ASIP: variants seen among roughly 807,000 people sequenced by gnomAD.
ASIP encodes agouti signaling protein.
ASIP carries 11 observed loss-of-function variants against 10.3 expected under a neutral mutation model. The ratio of observed to expected loss-of-function variants is 1.07; its 90% CI spans 0.68 to 1.78. The LOEUF (loss-of-function observed/expected upper bound fraction) is 1.78. Among genes scored for constraint, ASIP ranks in the 40% most tolerant of loss-of-function variants. The pLI is 0.00. For synonymous variants in ASIP, 70 were observed against 70.8 expected, an observed-to-expected ratio of 0.99 and a Z score of 0.06; for missense variants, 180 against 169.2, an observed-to-expected ratio of 1.06 and a Z score of -0.35.
intron 1 of ASIP, among the ~76,000 whole-genome samples, chr20:34,202,532 A>T (rs1174385345): frequency 6.6e-6 from 1 of 152,134 alleles, no homozygotes; most frequent in Non-Finnish European, 1.5e-5. Flanking sequence ...TGTGAGGTCA[A>T]GTTTCCCTTT....
intron 1 of ASIP, among the ~76,000 whole-genome samples, chr20:34,224,569 A>G (rs2035079834): frequency 1.3e-5 from 2 of 152,324 alleles, no homozygotes; most frequent in South Asian, 4.1e-4. Context: ...CCCTGTGGGG[A>G]TGAGTTAAAA....
At position 34,269,250 on chromosome 20, in the gene ASIP, T is replaced by C; in HGVS notation, c.*83T>C. 1.4e-6 allele frequency: 2 copies of C among 1,410,842 alleles called. No homozygotes were observed. Among genetic ancestry groups the C allele is most frequent in the South Asian group, 3.0e-5 (2 of 65,948 alleles). The allele number at this position is 1,410,842 out of a possible 1,614,324, so 87.4% of individuals were successfully genotyped here. The stretch of plus-strand genomic sequence containing the variant: ...GGCGGGTGATCCCTAACAGGGCGGC[T>C]TCCCAGGGCTGCAGGCGGGCGGAGG... On this transcript the variant is annotated 3_prime_UTR_variant, in exon 4 of 4. Coordinates refer to ENST00000374954, the MANE Select transcript of ASIP (RefSeq NM_001672.3).
chr20:34,192,350 C>T (rs1003229798), upstream of ASIP, among the ~76,000 whole-genome samples: 2 of 152,094 alleles, frequency 1.3e-5, no homozygotes, highest in Admixed American at 6.6e-5. Context: ...TTTGAAACAG[C>T]GTCTCGCTCT....
At position 34,204,620 on chromosome 20, in the gene ASIP, TAGAA is replaced by T. The variant is rs1357473692; in HGVS notation, c.-11+9867_-11+9870del. 3.3e-5 allele frequency among the ~76,000 whole-genome samples: 5 copies of T among 152,224 alleles called. No individual in the cohort carries two copies. In the East Asian group the frequency reaches 9.6e-4, roughly 29 times the overall value. On this transcript the variant is annotated intron_variant, in intron 1 of 3. Coordinates refer to the ASIP transcript ENST00000568305. ...GCAGGCATCCTTATCTTAGTTCTGA[TAGAA>T]AGAAAGCACTCAATAATTTCAGTTA...
chr20:34,258,887 TTA>T (rs1208850131), intron 1 of ASIP, among the ~76,000 whole-genome samples: 1 of 130,604 alleles, frequency 7.7e-6, no homozygotes, highest in Admixed American at 9.3e-5. Flanking sequence ...ATATATAGTA[TTA>T]TATATATAGT....
intron 1 of ASIP, among the ~76,000 whole-genome samples, chr20:34,226,658 T>C (rs1214936166): frequency 6.6e-6 from 1 of 152,100 alleles, no homozygotes; most frequent in Non-Finnish European, 1.5e-5. Context: ...TCAGCCTGAT[T>C]TTTTAAAAAG....
At chr20:34,224,560 C>A (rs190357667) in intron 1 of ASIP, among the ~76,000 whole-genome samples, 1 of 152,124 alleles carries the variant, frequency 6.6e-6, no homozygotes, top group Admixed American at 6.5e-5. Context: ...CTTAAATGAC[C>A]CTGTGGGGAT....
intron 1 of ASIP, among the ~76,000 whole-genome samples, chr20:34,245,261 G>A (rs1387312079): frequency 6.7e-6 from 1 of 149,546 alleles, no homozygotes; most frequent in Non-Finnish European, 1.5e-5. Context: ...TTGAACCTGG[G>A]AGGCGGAGGT....
At chr20:34,191,493 C>T (rs1193422827), upstream of ASIP, among the ~76,000 whole-genome samples, 2 of 152,104 alleles carry the variant, frequency 1.3e-5, no homozygotes, top group Non-Finnish European at 2.9e-5. Flanking sequence ...CAGGACCTGG[C>T]CACAAAAGGA....
At chr20:34,214,813 T>A in intron 1 of ASIP, 1 of 1,572,848 alleles carries the variant, frequency 6.4e-7, no homozygotes, top group Non-Finnish European at 8.8e-7. Flanking sequence ...AAGATAATCA[T>A]AACAAAATCC....
At chr20:34,226,270 A>G (rs901743998) in intron 1 of ASIP, among the ~76,000 whole-genome samples, 1 of 152,240 alleles carries the variant, frequency 6.6e-6, no homozygotes, top group African/African-American at 2.4e-5. Flanking sequence ...TGCCATTTTA[A>G]CAGACTAAAA....
At chr20:34,202,539 C>CT (rs1294198258) in intron 1 of ASIP, among the ~76,000 whole-genome samples, 1 of 151,870 alleles carries the variant, frequency 6.6e-6, no homozygotes, top group African/African-American at 2.4e-5. Flanking sequence ...TCAAGTTTCC[C>CT]TTTTTTTTCT....
intron 1 of ASIP, among the ~76,000 whole-genome samples, chr20:34,206,921 G>A (rs889615128): frequency 1.3e-5 from 2 of 152,190 alleles, no homozygotes; most frequent in Non-Finnish European, 2.9e-5. Flanking sequence ...CAGTTAGGTT[G>A]ATTTCATATC....
chr20:34,206,403 C>T (rs755223046), intron 1 of ASIP, among the ~76,000 whole-genome samples: 4 of 152,278 alleles, frequency 2.6e-5, no homozygotes, highest in East Asian at 1.9e-4. Flanking sequence ...TTTCTGATAT[C>T]GATTTTTTTA....
At chr20:34,257,070 C>CTTTTTTTTTTTTTTT (rs56227909) in intron 1 of ASIP, among the ~76,000 whole-genome samples, 234 of 139,022 alleles carry the variant, frequency 1.7e-3, no homozygotes, top group Non-Finnish European at 2.4e-3. Flanking sequence ...CTTTCTTTCT[C>CTTTTTTTTTTTTTTT]TTTTTTTTTT....
intron 1 of ASIP, among the ~76,000 whole-genome samples, chr20:34,201,212 G>A (rs191350055): frequency 2.0e-5 from 3 of 152,120 alleles, no homozygotes; most frequent in East Asian, 1.9e-4. Context: ...CCGGAGTGCG[G>A]GTGACAAGGA....
At chr20:34,260,643 G>T in intron 2 of ASIP, 109 bp downstream of exon 2, 3 of 1,254,004 alleles carry the variant, frequency 2.4e-6, no homozygotes, top group Non-Finnish European at 3.3e-6. Context: ...GCTCCTTCTT[G>T]CTCGTTCCAG....
At chr20:34,218,316 A>G (rs1179599235) in intron 1 of ASIP, among the ~76,000 whole-genome samples, 1 of 152,190 alleles carries the variant, frequency 6.6e-6, no homozygotes, top group Non-Finnish European at 1.5e-5. Context: ...AGAGCCCACA[A>G]GCAGGATATG....
chr20:34,187,598 AT>A, the ASIP span, among the ~76,000 whole-genome samples: 1 of 152,182 alleles, frequency 6.6e-6, no homozygotes, highest in African/African-American at 2.4e-5. Context: ...CAGATATTTT[AT>A]TTTATAAATG....
Sources: allele counts gnomAD v4.1 joint callset (sites outside exome capture counted in the v4.1 genomes callset), GRCh38; gene constraint gnomAD v4.1.1; transcripts MANE v1.5; gene names NCBI Gene and HGNC (gene_info 2026-07-23, HGNC 2026-07-21).